The following PDE10A variants were observed in gnomAD, a reference collection of about 807,000 sequenced individuals.
The protein encoded by PDE10A is cAMP and cAMP-inhibited cGMP 3',5'-cyclic phosphodiesterase 10A.
Under a neutral mutation model 97.7 loss-of-function variants are expected in PDE10A, and 39 were observed. That is an observed-to-expected ratio of 0.40 (90% CI 0.31 to 0.52). The LOEUF is 0.52. PDE10A is among the 20% of genes least tolerant of loss of function. The pLI is 0.56. For missense variants in PDE10A, 731 were observed against 1,047.8 expected (o/e 0.70, Z 4.17); for synonymous variants, 371 against 376.8 (o/e 0.98, Z 0.18).
At chr6:165,521,515 A>T (rs980897451) in intron 2 of PDE10A, among the ~76,000 whole-genome samples, 1 of 152,240 alleles carries the variant, frequency 6.6e-6, no homozygotes, top group Non-Finnish European at 1.5e-5. Flanking sequence ...CAAGGAAATT[A>T]TAAGTTCTAC....
intron 3 of PDE10A, among the ~76,000 whole-genome samples, chr6:165,456,158 G>A (rs940646203): frequency 1.3e-5 from 2 of 152,030 alleles, no homozygotes; most frequent in African/African-American, 4.8e-5. Flanking sequence ...CACTAGTTCT[G>A]TATTTTCTTT....
chr6:165,952,895 A>G (rs1239847935), intron 1 of PDE10A, among the ~76,000 whole-genome samples: 2 of 151,632 alleles, frequency 1.3e-5, no homozygotes, highest in Non-Finnish European at 2.9e-5. Flanking sequence ...CCTAACCAAA[A>G]GTAGTTGTGG....
chr6:165,723,307 C>T (rs530370219), intron 1 of PDE10A, among the ~76,000 whole-genome samples: 30 of 152,356 alleles, frequency 2.0e-4, no homozygotes, highest in African/African-American at 6.7e-4. Context: ...TGCTGTCTCT[C>T]CCTTGGCCAG....
intron 18 of PDE10A, among the ~76,000 whole-genome samples, chr6:165,347,142 T>A: frequency 6.6e-6 from 1 of 152,146 alleles, no homozygotes; most frequent in Admixed American, 6.5e-5. Flanking sequence ...GGATTTTAAA[T>A]CATTGGGTTG....
intron 1 of PDE10A, among the ~76,000 whole-genome samples, chr6:165,897,855 G>A (rs1781999060): frequency 6.6e-6 from 1 of 152,008 alleles, no homozygotes; most frequent in Non-Finnish European, 1.5e-5. Flanking sequence ...TTCCAGAAAC[G>A]CTGTGCTCTC....
chr6:165,731,490 GGAGGAAC>G (rs1792435895), intron 1 of PDE10A, among the ~76,000 whole-genome samples: 1 of 152,204 alleles, frequency 6.6e-6, no homozygotes, highest in African/African-American at 2.4e-5. Flanking sequence ...CCGGCACGTT[GGAGGAAC>G]GAGAGGTGCA....
intron 1 of PDE10A, among the ~76,000 whole-genome samples, chr6:165,716,401 G>C (rs1410714381): frequency 6.6e-6 from 1 of 152,244 alleles, no homozygotes; most frequent in Non-Finnish European, 1.5e-5. Context: ...CAATGTGAAG[G>C]ATCTGAAACT....
At chr6:165,897,468 T>C (rs1781985355) in intron 1 of PDE10A, among the ~76,000 whole-genome samples, 1 of 152,018 alleles carries the variant, frequency 6.6e-6, no homozygotes, top group South Asian at 2.1e-4. Flanking sequence ...GAGAGGGTCC[T>C]GAGCTGCAGG....
chr6:165,417,532 AATC>A (rs1318841873), intron 11 of PDE10A, among the ~76,000 whole-genome samples: 1 of 152,196 alleles, frequency 6.6e-6, no homozygotes, highest in Non-Finnish European at 1.5e-5. Flanking sequence ...TTCAAAATTA[AATC>A]AATGCCAACA....
At chr6:165,477,918 T>C (rs1448479606) in intron 3 of PDE10A, among the ~76,000 whole-genome samples, 2 of 152,148 alleles carry the variant, frequency 1.3e-5, no homozygotes, top group Non-Finnish European at 2.9e-5. Context: ...TCTGCTGACT[T>C]TCCACATCTT....
In PDE10A at chr6:165,875,497, C is replaced by T. The variant is rs183793743; in HGVS notation, c.-615+112032G>A. Among the ~76,000 whole-genome samples, 6 of 152,234 alleles carry T rather than the reference C, an allele frequency of 3.9e-5. No homozygotes were observed. In the East Asian group the frequency reaches 1.2e-3, roughly 29 times the overall value. ...ACTTCAGAGGGAATTATCTTATCAG[C>T]CCGAAAATGATTTCAATTTTAAATG... is the stretch of plus-strand genomic sequence containing the variant. On this transcript the variant is annotated intron_variant, in intron 1 of 19. Coordinates refer to the PDE10A transcript ENST00000366882.
intron 1 of PDE10A, among the ~76,000 whole-genome samples, chr6:165,813,705 A>C (rs1220752902): frequency 6.6e-6 from 1 of 152,242 alleles, no homozygotes; most frequent in African/African-American, 2.4e-5. Flanking sequence ...TATTCAGTGG[A>C]AAACAACAAA....
At chr6:165,905,444 T>G (rs952280808) in intron 1 of PDE10A, among the ~76,000 whole-genome samples, 4 of 152,144 alleles carry the variant, frequency 2.6e-5, no homozygotes, top group African/African-American at 9.6e-5. Context: ...TTAATAATCA[T>G]TAAGAATCTT....
intron 18 of PDE10A, among the ~76,000 whole-genome samples, chr6:165,376,233 A>T (rs1047979894): frequency 3.9e-5 from 6 of 152,238 alleles, no homozygotes; most frequent in African/African-American, 1.4e-4. Context: ...CACAGGAGGT[A>T]GTCAAAGCTT....
chr6:165,952,296 A>G (rs187996813), intron 1 of PDE10A, among the ~76,000 whole-genome samples: 1 of 152,236 alleles, frequency 6.6e-6, no homozygotes, highest in Non-Finnish European at 1.5e-5. Context: ...TAGAGCCCAC[A>G]TGTCTCACGG....
intron 1 of PDE10A, among the ~76,000 whole-genome samples, chr6:165,565,133 G>A (rs1325657475): frequency 6.6e-6 from 1 of 152,144 alleles, no homozygotes; most frequent in African/African-American, 2.4e-5. Context: ...GAGAACTAAA[G>A]GTTTACAGTT....
chr6:165,695,908 T>G (rs1180413455), intron 1 of PDE10A, among the ~76,000 whole-genome samples: 1 of 152,198 alleles, frequency 6.6e-6, no homozygotes, highest in Non-Finnish European at 1.5e-5. Flanking sequence ...ATGCAATTTA[T>G]GCTCCAGGGC....
chr6:165,399,106 C>T (rs921252096), intron 13 of PDE10A, among the ~76,000 whole-genome samples: 2 of 152,112 alleles, frequency 1.3e-5, no homozygotes, highest in Non-Finnish European at 2.9e-5. Context: ...ACAAAAGGGT[C>T]AGGTCATCAC....
rs548714851 is a variant in PDE10A at position 165,608,411 on chromosome 6, T to A, written c.865+53536A>T. Among the ~76,000 whole-genome samples the A allele has an allele frequency of 2.0e-5, 3 of 152,196 alleles. No individual in the cohort carries two copies. The South Asian group carries it at 6.2e-4, about 32-fold the overall frequency. On this transcript the variant is annotated intron_variant, in intron 1 of 21. Transcript: ENST00000539869. Reference sequence around the variant, plus strand: ...TTGCTGAGAATGATGGTTTCCAGCTTCATCTATGTCCCTACAAAGGACATG... The same window carrying A: ...TTGCTGAGAATGATGGTTTCCAGCTACATCTATGTCCCTACAAAGGACATG...
Sources: allele counts gnomAD v4.1 joint callset (sites outside exome capture counted in the v4.1 genomes callset), GRCh38; gene constraint gnomAD v4.1.1; transcripts MANE v1.5; gene names NCBI Gene and HGNC (gene_info 2026-07-23, HGNC 2026-07-21).